Variants in IGSF11 observed in about 807,000 individuals in gnomAD.
IGSF11 encodes immunoglobulin superfamily member 11, also known as CXADR like 1.
In IGSF11, 22 loss-of-function variants were observed where a neutral mutation model predicts 41.0. That is an observed-to-expected ratio of 0.54 (90% CI 0.38 to 0.77). The LOEUF (loss-of-function observed/expected upper bound fraction) is 0.77, where lower values mean the gene tolerates loss of function less well. Among genes scored for constraint, IGSF11 ranks in the 30% least tolerant of loss-of-function variants. IGSF11 has a pLI of 0.00. For missense variants in IGSF11, 444 were observed against 530.8 expected, an observed-to-expected ratio of 0.84 and a Z score of 1.61; for synonymous variants, 219 against 201.3, an observed-to-expected ratio of 1.09 and a Z score of -0.74.
rs535597526 is a variant in IGSF11 at position 119,141,787 on chromosome 3, T to C, written c.-14+4026A>G. On this transcript the variant is annotated intron_variant, in intron 1 of 7. Transcript: ENST00000425327. ...TTATTGTGAATAAATAGCCAAGATA[T>C]GGAAATAACCTAAGTATCCATCAAC... is the stretch of plus-strand genomic sequence containing the variant. Among the ~76,000 whole-genome samples the C allele has an allele frequency of 1.8e-4, 27 of 152,026 alleles. No homozygotes were observed. In the East Asian group the frequency reaches 2.5e-3, roughly 14 times the overall value.
chr3:119,106,769 G>A (rs1196111423), upstream of IGSF11, among the ~76,000 whole-genome samples: 6 of 151,452 alleles, frequency 4.0e-5, no homozygotes, highest in South Asian at 1.2e-3. Context: ...CCCACAGTGT[G>A]ATGTTCCCCT....
chr3:119,075,640 G>C (rs1232851579), intron 1 of IGSF11, among the ~76,000 whole-genome samples: 4 of 152,170 alleles, frequency 2.6e-5, no homozygotes, highest in African/African-American at 9.6e-5. Context: ...TAATCAAGTA[G>C]GCTTTATTCC....
At chr3:119,054,814 A>C (rs1268479673) in intron 1 of IGSF11, among the ~76,000 whole-genome samples, 1 of 152,190 alleles carries the variant, frequency 6.6e-6, no homozygotes, top group Non-Finnish European at 1.5e-5. Flanking sequence ...GATAAAGAAA[A>C]TGTGGTGTGA....
intron 1 of IGSF11, among the ~76,000 whole-genome samples, chr3:118,975,153 TCTC>T (rs776118755): frequency 4.6e-5 from 7 of 152,128 alleles, no homozygotes; most frequent in Admixed American, 2.6e-4. Flanking sequence ...GAGAAGAAAT[TCTC>T]CTCTATCTCC....
intron 1 of IGSF11, among the ~76,000 whole-genome samples, chr3:119,029,807 A>G (rs761415386): frequency 6.6e-6 from 1 of 152,218 alleles, no homozygotes; most frequent in Non-Finnish European, 1.5e-5. Flanking sequence ...TGAACTGATG[A>G]TTCTTTTAAG....
intron 1 of IGSF11, among the ~76,000 whole-genome samples, chr3:119,124,321 C>T (rs2077373074): frequency 7.9e-6 from 1 of 126,936 alleles, no homozygotes; most frequent in African/African-American, 3.1e-5. Flanking sequence ...GTCTGGAGTG[C>T]AATGACGTGA....
At chr3:119,128,101 G>A (rs1273516630) in intron 1 of IGSF11, among the ~76,000 whole-genome samples, 1 of 152,178 alleles carries the variant, frequency 6.6e-6, no homozygotes, top group Non-Finnish European at 1.5e-5. Flanking sequence ...ACTCACACCT[G>A]TAATCCCAGC....
At chr3:119,038,805 G>A (rs1576712591), upstream of IGSF11, among the ~76,000 whole-genome samples, 1 of 152,228 alleles carries the variant, frequency 6.6e-6, no homozygotes, top group East Asian at 1.9e-4. Context: ...AGTTACCTCA[G>A]TATTTTCCAA....
chr3:118,951,713 A>C (rs2107582990), intron 1 of IGSF11, among the ~76,000 whole-genome samples: 1 of 152,278 alleles, frequency 6.6e-6, no homozygotes, highest in South Asian at 2.1e-4. Flanking sequence ...CAAATGCTTA[A>C]GTCTCTTATA....
chr3:118,986,339 AAAG>A (rs1452552840), intron 1 of IGSF11, among the ~76,000 whole-genome samples: 24 of 152,324 alleles, frequency 1.6e-4, no homozygotes, highest in African/African-American at 4.3e-4. Flanking sequence ...TAAATTTCTA[AAAG>A]AAGCTGCCTT....
chr3:118,955,195 G>GGTAT (rs939553891), intron 1 of IGSF11, among the ~76,000 whole-genome samples: 1 of 150,350 alleles, frequency 6.7e-6, no homozygotes, highest in African/African-American at 2.5e-5. Context: ...AAGAAATTGT[G>GGTAT]GTATGTATGT....
intron 1 of IGSF11, among the ~76,000 whole-genome samples, chr3:119,013,491 G>T (rs1264771639): frequency 1.3e-5 from 2 of 152,196 alleles, no homozygotes; most frequent in African/African-American, 4.8e-5. Context: ...ATGTCTTCTA[G>T]TGGTGGCCGA....
chr3:118,997,009 G>C lies in IGSF11; in HGVS notation c.52+37522C>G, dbSNP rs969215683. Among the ~76,000 whole-genome samples the C allele has an allele frequency of 3.3e-5, 5 of 152,346 alleles. 1 individual carries two copies. The highest frequency in any genetic ancestry group is 1.9e-4 in the East Asian group (1 of 5,186). On this transcript the variant is annotated intron_variant, in intron 1 of 6. Transcript: ENST00000393775. ...GAAAGGATCAGGCCTAGAGTAAGATGATGAGTTTTATTTCAGGATTCTTGG... is the reference window on the plus strand; with the variant it reads ...GAAAGGATCAGGCCTAGAGTAAGATCATGAGTTTTATTTCAGGATTCTTGG...
intron 1 of IGSF11, among the ~76,000 whole-genome samples, chr3:119,021,058 G>A (rs999433725): frequency 2.0e-5 from 3 of 152,066 alleles, no homozygotes; most frequent in African/African-American, 7.2e-5. Flanking sequence ...CTCTCCCTAG[G>A]GAAAAGAAAA....
chr3:118,943,819 C>T (rs1456281690), intron 1 of IGSF11, among the ~76,000 whole-genome samples: 1 of 152,182 alleles, frequency 6.6e-6, no homozygotes, highest in Non-Finnish European at 1.5e-5. Flanking sequence ...CTGTTAAATA[C>T]AACCATGTAC....
intron 1 of IGSF11, among the ~76,000 whole-genome samples, chr3:119,119,767 G>C (rs1017244974): frequency 6.6e-6 from 1 of 152,158 alleles, no homozygotes; most frequent in African/African-American, 2.4e-5. Context: ...TAGCAGGTGG[G>C]GGAGGGGGGT....
chr3:119,120,934 C>T (rs1023494793), intron 1 of IGSF11, among the ~76,000 whole-genome samples: 6 of 152,132 alleles, frequency 3.9e-5, no homozygotes, highest in African/African-American at 1.4e-4. Flanking sequence ...ACTGAGAACT[C>T]TTTTACCCTT....
chr3:118,909,094 TA>T (rs1455865420), intron 4 of IGSF11, among the ~76,000 whole-genome samples: 1 of 152,178 alleles, frequency 6.6e-6, no homozygotes, highest in East Asian at 1.9e-4. Flanking sequence ...TTCCGAATCA[TA>T]AAAAAATTCA....
chr3:119,071,131 G>A (rs1166961896), intron 1 of IGSF11, among the ~76,000 whole-genome samples: 5 of 152,146 alleles, frequency 3.3e-5, no homozygotes. Context: ...GAATCATAGA[G>A]CTTCTATGAA....
Sources: allele counts gnomAD v4.1 joint callset (sites outside exome capture counted in the v4.1 genomes callset), GRCh38; gene constraint gnomAD v4.1.1; transcripts MANE v1.5; gene names NCBI Gene and HGNC (gene_info 2026-07-23, HGNC 2026-07-21).